The following FBXL17 variants were observed in gnomAD, a reference collection of about 807,000 sequenced individuals.
FBXL17 encodes F-box and leucine rich repeat protein 17.
In FBXL17, 22 loss-of-function variants were observed where a neutral mutation model predicts 66.2. The observed-to-expected ratio is 0.33, with a 90% CI of 0.24 to 0.47. The LOEUF (loss-of-function observed/expected upper bound fraction) is 0.47, where lower values mean the gene tolerates loss of function less well. Ranked by LOEUF, FBXL17 falls within the 20% of genes least tolerant of loss-of-function variation. The pLI is 1.00. For synonymous variants in FBXL17, 474 were observed against 400.5 expected (o/e 1.18, Z -2.19); for missense variants, 878 against 948.2 (o/e 0.93, Z 0.97).
intron 7 of FBXL17, among the ~76,000 whole-genome samples, chr5:107,993,342 C>T (rs1339687462): frequency 6.6e-6 from 1 of 152,080 alleles, no homozygotes; most frequent in Non-Finnish European, 1.5e-5. Flanking sequence ...TATTCTTTAT[C>T]CACGTGTATT....
chr5:107,893,509 A>G (rs1238518437), intron 7 of FBXL17, among the ~76,000 whole-genome samples: 1 of 152,190 alleles, frequency 6.6e-6, no homozygotes, highest in Non-Finnish European at 1.5e-5. Context: ...AAAACAAGAT[A>G]CTGTTGTATT....
intron 6 of FBXL17, among the ~76,000 whole-genome samples, chr5:108,086,445 G>A (rs1405518783): frequency 1.3e-5 from 2 of 152,064 alleles, no homozygotes; most frequent in East Asian, 1.9e-4. Flanking sequence ...AGTTTTCCCT[G>A]GGTTTGTGGG....
chr5:108,313,918 T>G (rs1231987123), intron 4 of FBXL17, among the ~76,000 whole-genome samples: 1 of 152,026 alleles, frequency 6.6e-6, no homozygotes, highest in South Asian at 2.1e-4. Context: ...AAAAATAAAA[T>G]TCTTACTAAT....
chr5:108,143,345 T>TCACACACACACA (rs1491283043), intron 6 of FBXL17, among the ~76,000 whole-genome samples: 119 of 129,278 alleles, frequency 9.2e-4, no homozygotes, highest in Admixed American at 2.2e-3. Flanking sequence ...AGAACAGCAT[T>TCACACACACACA]CTCACACACA....
At chr5:108,132,333 C>G (rs1199361167) in intron 6 of FBXL17, among the ~76,000 whole-genome samples, 13 of 152,134 alleles carry the variant, frequency 8.5e-5, no homozygotes, top group Non-Finnish European at 1.5e-5. Context: ...TCTGTTAAAT[C>G]AAAATTATCT....
chr5:108,183,548 T>G (rs1753096307), intron 6 of FBXL17, among the ~76,000 whole-genome samples: 1 of 152,162 alleles, frequency 6.6e-6, no homozygotes. Context: ...GAAAGTTAAT[T>G]TATTTGAATT....
At chr5:108,270,647 T>A (rs1228817409) in intron 4 of FBXL17, among the ~76,000 whole-genome samples, 1 of 151,886 alleles carries the variant, frequency 6.6e-6, no homozygotes, top group African/African-American at 2.4e-5. Flanking sequence ...TCTTTCTCAG[T>A]ATGATGTTTG....
At chr5:108,201,261 AATAC>A (rs1753883243) in intron 5 of FBXL17, among the ~76,000 whole-genome samples, 1 of 152,180 alleles carries the variant, frequency 6.6e-6, no homozygotes, top group Non-Finnish European at 1.5e-5. Flanking sequence ...AGAAAAAGAT[AATAC>A]ATAGATTCTT....
intron 5 of FBXL17, among the ~76,000 whole-genome samples, chr5:108,222,387 A>G (rs1259140320): frequency 6.6e-6 from 1 of 152,182 alleles, no homozygotes; most frequent in Non-Finnish European, 1.5e-5. Context: ...ACATTCATCT[A>G]CCAAGATGTT....
At chr5:108,253,622 C>T (rs1214727903) in intron 4 of FBXL17, among the ~76,000 whole-genome samples, 5 of 152,104 alleles carry the variant, frequency 3.3e-5, no homozygotes, top group Admixed American at 3.3e-4. Context: ...TTCTAACATT[C>T]CGCATTAACC....
At chr5:108,300,744 A>G (rs1261915134) in intron 4 of FBXL17, among the ~76,000 whole-genome samples, 1 of 151,758 alleles carries the variant, frequency 6.6e-6, no homozygotes. Flanking sequence ...AAGAAAAAGG[A>G]AAAAATAAAG....
intron 4 of FBXL17, among the ~76,000 whole-genome samples, chr5:108,319,495 T>C (rs1032888397): frequency 6.6e-5 from 10 of 151,868 alleles, no homozygotes; most frequent in East Asian, 1.9e-4. Context: ...CAGAATTTAC[T>C]TTATAAAACA....
intron 6 of FBXL17, among the ~76,000 whole-genome samples, chr5:108,063,056 ACAATATTATAT>A (rs1747984629): frequency 6.6e-6 from 1 of 152,198 alleles, no homozygotes; most frequent in Non-Finnish European, 1.5e-5. Flanking sequence ...TAGTAGAAAT[ACAATATTATAT>A]CATGCTCTTT....
At chr5:108,045,421 G>A (rs185462356) in intron 6 of FBXL17, among the ~76,000 whole-genome samples, 57 of 151,940 alleles carry the variant, frequency 3.8e-4, no homozygotes, top group African/African-American at 1.2e-3. Flanking sequence ...CAGCCTGGGC[G>A]ATAGAGCAAG....
intron 6 of FBXL17, among the ~76,000 whole-genome samples, chr5:108,139,152 C>G (rs551571798): frequency 6.6e-6 from 1 of 151,998 alleles, no homozygotes; most frequent in Non-Finnish European, 1.5e-5. Flanking sequence ...TGTGTTTGCA[C>G]GCTCACCATA....
chr5:107,994,187 T>C (rs980103524), intron 7 of FBXL17, among the ~76,000 whole-genome samples: 6 of 152,194 alleles, frequency 3.9e-5, no homozygotes, highest in Non-Finnish European at 4.4e-5. Flanking sequence ...TCTAATTTAT[T>C]TCCATTAAAG....
chr5:108,234,801 T>C (rs556950061), intron 4 of FBXL17, among the ~76,000 whole-genome samples: 1 of 152,170 alleles, frequency 6.6e-6, no homozygotes, highest in Non-Finnish European at 1.5e-5. Flanking sequence ...GCATTAGTGG[T>C]AGTAAATTAT....
intron 4 of FBXL17, among the ~76,000 whole-genome samples, chr5:108,283,241 A>G (rs907825633): frequency 4.6e-5 from 7 of 151,910 alleles, no homozygotes; most frequent in Non-Finnish European, 1.0e-4. Context: ...ACATTAGCTG[A>G]TATCAAATTA....
intron 6 of FBXL17, among the ~76,000 whole-genome samples, chr5:108,054,287 G>A (rs1333358484): frequency 6.6e-6 from 1 of 152,036 alleles, no homozygotes; most frequent in African/African-American, 2.4e-5. Context: ...CATCCCTGAA[G>A]GGTGTTTTCA....
Sources: gnomAD v4.1 joint callset for allele counts (sites outside exome capture counted in the v4.1 genomes callset) on GRCh38, gnomAD v4.1.1 for gene constraint, MANE v1.5 for transcripts, NCBI Gene and HGNC (gene_info 2026-07-23, HGNC 2026-07-21) for gene names.